ARHGAP23: variants seen among roughly 807,000 people sequenced by gnomAD.
ARHGAP23 encodes rho GTPase-activating protein 23.
ARHGAP23 carries 34 observed loss-of-function variants against 136.3 expected under a neutral mutation model. That is an observed-to-expected ratio of 0.25 (90% confidence interval 0.19 to 0.33). The LOEUF is 0.33. ARHGAP23 is among the 10% of genes least tolerant of loss of function. The pLI is 1.00. For missense variants in ARHGAP23, 1,808 were observed against 2,139.0 expected (o/e 0.85, Z 3.05); for synonymous variants, 832 against 920.5 (o/e 0.90, Z 1.74).
chr17:38,498,618 G>A, intron 22 of ARHGAP23, 108 bp downstream of exon 22: 4 of 929,666 alleles, frequency 4.3e-6, no homozygotes, highest in Non-Finnish European at 6.3e-6. Flanking sequence ...CCCCAGCGGG[G>A]CCCTCCCCTG....
chr17:38,426,756 T>C (rs147345037), upstream of ARHGAP23, among the ~76,000 whole-genome samples: 2 of 151,978 alleles, frequency 1.3e-5, no homozygotes, highest in South Asian at 2.1e-4. Context: ...TAAAATACAT[T>C]AAATAAAGCA....
At chr17:38,465,550 G>A (rs909543264) in intron 6 of ARHGAP23, among the ~76,000 whole-genome samples, 9 of 152,234 alleles carry the variant, frequency 5.9e-5, no homozygotes, top group East Asian at 1.9e-4. Flanking sequence ...GCAATGCAGC[G>A]TCAGCCTCAG....
At chr17:38,476,929 A>T (rs760662890) in intron 11 of ARHGAP23, among the ~76,000 whole-genome samples, 3 of 152,146 alleles carry the variant, frequency 2.0e-5, no homozygotes, top group Non-Finnish European at 4.4e-5. Context: ...AGAGAAGACT[A>T]GGAAGGAGCC....
rs1426666912 is a variant in ARHGAP23, at chr17:38,486,216, G to A, written c.2986+76G>A. 2.3e-6 allele frequency: 3 copies of A among 1,320,818 alleles called. No homozygotes were observed. The African/African-American group carries it at 4.7e-5, about 21-fold the overall frequency. 81.8% of individuals were successfully genotyped at this position (1,320,818 alleles called of 1,614,324 possible). The stretch of plus-strand genomic sequence containing the variant: ...ACCCTGACCACTACTTTTGCATTTG[G>A]TTTGTTGGTTTTACTCTTTTTTTTT... On this transcript the variant is annotated intron_variant, in intron 17 of 23. Transcript: ENST00000622683.
At chr17:38,481,368 C>T (rs1165712633) in intron 14 of ARHGAP23, among the ~76,000 whole-genome samples, 5 of 151,936 alleles carry the variant, frequency 3.3e-5, no homozygotes, top group Non-Finnish European at 5.9e-5. Flanking sequence ...AGGATGGTCT[C>T]GATCTCCTGA....
At chr17:38,499,729 G>A (rs1268415693) in intron 22 of ARHGAP23, among the ~76,000 whole-genome samples, 1 of 152,174 alleles carries the variant, frequency 6.6e-6, no homozygotes, top group Non-Finnish European at 1.5e-5. Context: ...TTGTGCAGGG[G>A]GAGGGGTCCG....
intron 11 of ARHGAP23, among the ~76,000 whole-genome samples, chr17:38,473,496 GCT>G (rs1379974013): frequency 3.3e-4 from 50 of 152,286 alleles, no homozygotes; most frequent in African/African-American, 8.4e-4. Context: ...CGGGACTGGC[GCT>G]CCTCTGTGGA....
At chr17:38,489,852 G>T (rs2040233673) in intron 17 of ARHGAP23, 1 of 498,912 alleles carries the variant, frequency 2.0e-6, no homozygotes, top group Non-Finnish European at 3.6e-6. Context: ...AGCTCAGATG[G>T]TATTGCCTCC....
intron 3 of ARHGAP23, among the ~76,000 whole-genome samples, chr17:38,462,545 C>T (rs565925956): frequency 2.0e-5 from 3 of 152,166 alleles, no homozygotes; most frequent in African/African-American, 4.8e-5. Flanking sequence ...CGTGAGCTAC[C>T]ATGCCTGGCC....
rs532573432 is a variant in ARHGAP23, at chr17:38,460,014, G to A, written c.226-891G>A. On this transcript the variant is annotated intron_variant, in intron 2 of 23. Coordinates refer to ENST00000622683, the MANE Select transcript of ARHGAP23 (RefSeq NM_001199417.2). ...TGGCCTTGAACACACCATACCCTGC[G>A]AGCTATACAATGGGTACATGTGTGG... is the stretch of plus-strand genomic sequence containing the variant. Among the ~76,000 whole-genome samples the A allele has an allele frequency of 7.2e-5, 11 of 152,244 alleles. No individual in the cohort carries two copies. In the South Asian group the frequency reaches 1.9e-3, roughly 26 times the overall value.
intron 8 of ARHGAP23, 75 bp downstream of exon 8, chr17:38,469,374 G>C: frequency 6.7e-7 from 1 of 1,485,086 alleles, no homozygotes; most frequent in Non-Finnish European, 9.0e-7. Flanking sequence ...TGGGCCTGCT[G>C]CTTGATGTCT....
At chr17:38,434,619 G>A (rs542315085) in intron 1 of ARHGAP23, among the ~76,000 whole-genome samples, 2 of 152,224 alleles carry the variant, frequency 1.3e-5, no homozygotes, top group South Asian at 2.1e-4. Context: ...GGGAGACCGC[G>A]TGGGAGCCAT....
At chr17:38,437,208 ATT>A (rs11384705) in intron 1 of ARHGAP23, among the ~76,000 whole-genome samples, 5 of 144,194 alleles carry the variant, frequency 3.5e-5, no homozygotes, top group Non-Finnish European at 3.0e-5. Context: ...TGACGCCAGG[ATT>A]TTTTTTTTTT....
chr17:38,426,550 C>CAAAAAAAAAAAAAAAAAAAAAAAAAAA (rs751365956), upstream of ARHGAP23, among the ~76,000 whole-genome samples: 9 of 51,218 alleles, frequency 1.8e-4, no homozygotes, highest in South Asian at 9.1e-4. Context: ...AACTCCATCT[C>CAAAAAAAAAAAAAAAAAAAAAAAAAAA]AAAAAAAAAA....
intron 1 of ARHGAP23, among the ~76,000 whole-genome samples, chr17:38,449,988 C>T (rs34640203): frequency 0.17 from 26,587 of 152,190 alleles, 3,443 homozygotes; most frequent in African/African-American, 0.37. Flanking sequence ...CCAGTGCCTA[C>T]TTGCTTCTAC....
intron 20 of ARHGAP23, among the ~76,000 whole-genome samples, chr17:38,492,952 C>T (rs2040310041): frequency 6.6e-6 from 1 of 152,224 alleles, no homozygotes; most frequent in African/African-American, 2.4e-5. Flanking sequence ...CCTGGAAGCC[C>T]AAGGTCTGAG....
At chr17:38,473,239 C>T (rs1259252924) in intron 11 of ARHGAP23, among the ~76,000 whole-genome samples, 3 of 151,934 alleles carry the variant, frequency 2.0e-5, no homozygotes, top group Non-Finnish European at 4.4e-5. Context: ...CAGGCGTGAG[C>T]CACCGTGCCC....
At chr17:38,421,094 T>C (rs2144454712) in intron 1 of ARHGAP23, among the ~76,000 whole-genome samples, 1 of 152,198 alleles carries the variant, frequency 6.6e-6, no homozygotes, top group Non-Finnish European at 1.5e-5. Flanking sequence ...ATCAGCCGCT[T>C]CCCCTTTCCC....
Position 38,469,136 on chromosome 17 carries a change from A to G in ARHGAP23, c.1649-8A>G. ...TGCCTTCACACCTTTCTCCTTCCAC[A>G]TGCATAGATGAGCCCACCAGCCCCA... On this transcript the variant is annotated splice_polypyrimidine_tract_variant and splice_region_variant and intron_variant, in intron 7 of 23. Transcript: ENST00000622683. The G allele has an allele frequency of 3.2e-6, 5 of 1,545,802 alleles. No homozygotes were observed. The highest frequency in any genetic ancestry group is 3.5e-6 in the Non-Finnish European group (4 of 1,143,818).
Sources: allele counts gnomAD v4.1 joint callset (sites outside exome capture counted in the v4.1 genomes callset), GRCh38; gene constraint gnomAD v4.1.1; transcripts MANE v1.5; gene names NCBI Gene and HGNC (gene_info 2026-07-23, HGNC 2026-07-21).